Variants in ASCC3 observed in about 807,000 individuals in gnomAD.
ASCC3 encodes ASC-1 complex subunit P200.
ASCC3 carries 158 observed loss-of-function variants against 256.3 expected under a neutral mutation model. That is an observed-to-expected ratio of 0.62 (90% CI 0.54 to 0.70). ASCC3 has a LOEUF of 0.70. ASCC3 is among the 30% of genes least tolerant of loss of function. The pLI, the probability that ASCC3 is intolerant of heterozygous loss-of-function variation, is 0.00. For synonymous variants in ASCC3, 948 were observed against 883.4 expected (o/e 1.07, Z -1.30); for missense variants, 2,259 against 2,626.0 (o/e 0.86, Z 3.05).
intron 25 of ASCC3, among the ~76,000 whole-genome samples, chr6:100,632,487 G>A (rs1463269720): frequency 6.6e-6 from 1 of 151,978 alleles, no homozygotes; most frequent in Non-Finnish European, 1.5e-5. Context: ...AATTCACAAG[G>A]AAGCACAGAG....
At chr6:100,869,055 G>T (rs1773615133) in intron 1 of ASCC3, among the ~76,000 whole-genome samples, 1 of 152,156 alleles carries the variant, frequency 6.6e-6, no homozygotes, top group African/African-American at 2.4e-5. Flanking sequence ...TGTCACATAA[G>T]CTATGTAAGT....
At position 100,734,133 on chromosome 6, in the gene ASCC3, T is replaced by C. The variant is rs1780032487; in HGVS notation, c.1738-8430A>G. Among the ~76,000 whole-genome samples the C allele has an allele frequency of 2.0e-5, 3 of 152,134 alleles. No individual in the cohort carries two copies. In the South Asian group the frequency reaches 6.2e-4, roughly 31 times the overall value. On this transcript the variant is annotated intron_variant, in intron 10 of 41. Coordinates refer to ENST00000369162, the MANE Select transcript of ASCC3 (RefSeq NM_006828.4). ...TGGTAAGTGGGGGCAAGGAAGCTTTTGTAACCACCATTAAGTAAAGCAGAG... is the reference window on the plus strand; with the variant it reads ...TGGTAAGTGGGGGCAAGGAAGCTTTCGTAACCACCATTAAGTAAAGCAGAG...
At chr6:100,691,473 G>A (rs1348580943) in intron 13 of ASCC3, among the ~76,000 whole-genome samples, 1 of 151,610 alleles carries the variant, frequency 6.6e-6, no homozygotes, top group Non-Finnish European at 1.5e-5. Flanking sequence ...TTCTTAATAT[G>A]CATTCAATTA....
intron 23 of ASCC3, 60 bp downstream of exon 23, chr6:100,643,971 C>G: frequency 9.0e-7 from 1 of 1,111,144 alleles, no homozygotes; most frequent in Non-Finnish European, 1.3e-6. Context: ...AAAGCAGAAA[C>G]TGTTAGTATA....
At chr6:100,695,401 C>T (rs1778035854) in intron 13 of ASCC3, among the ~76,000 whole-genome samples, 2 of 151,886 alleles carry the variant, frequency 1.3e-5, no homozygotes, top group Admixed American at 1.3e-4. Context: ...TTTAGTAGAC[C>T]CTGTGTGTCC....
chr6:100,516,623 T>G (rs1020443287), intron 38 of ASCC3, among the ~76,000 whole-genome samples: 1 of 152,176 alleles, frequency 6.6e-6, no homozygotes. Context: ...AATGCTTCCA[T>G]GTAGATGAAG....
Position 100,646,628 on chromosome 6 carries a change from G to A in ASCC3, c.3620C>T (p.Thr1207Ile). The change falls in exon 22 of 42, where the codon ACT (threonine) becomes ATT (isoleucine). Residue 1207 changes from threonine to isoleucine, a missense_variant. By Grantham distance (89) the Thr-to-Ile change is moderately conservative. This residue lies in a region of ASCC3 where 1,839 missense variants were observed against 2,206.7 expected (regional missense o/e 0.83). Transcript: ENST00000369162. ...RVTLSIYADF[T>I]WNDQVHGTVG... Reference sequence around the variant, plus strand: ...TTCCACTTCTACCTGATCATTCCAAGTGAAATCAGCATAGATGCTGAGTGT... The same window carrying A: ...TTCCACTTCTACCTGATCATTCCAAATGAAATCAGCATAGATGCTGAGTGT... 6.2e-7 allele frequency: 1 copy of A among 1,614,030 alleles called. No homozygotes were observed. Among genetic ancestry groups the A allele is most frequent in the South Asian group, 1.1e-5 (1 of 91,072 alleles).
At chr6:100,751,128 A>G (rs1244022821) in intron 10 of ASCC3, among the ~76,000 whole-genome samples, 1 of 152,022 alleles carries the variant, frequency 6.6e-6, no homozygotes, top group Non-Finnish European at 1.5e-5. Flanking sequence ...GCATAAATCT[A>G]GATTTACTAT....
intron 10 of ASCC3, among the ~76,000 whole-genome samples, chr6:100,735,550 T>C (rs1780111955): frequency 6.6e-6 from 1 of 152,168 alleles, no homozygotes; most frequent in South Asian, 2.1e-4. Context: ...CTCCTTTTAA[T>C]AGAGATATTA....
chr6:100,802,984 A>G (rs1483512017), intron 5 of ASCC3, among the ~76,000 whole-genome samples: 1 of 152,058 alleles, frequency 6.6e-6, no homozygotes, highest in African/African-American at 2.4e-5. Context: ...CCCTAGCCTG[A>G]GCAAGAGTGT....
At chr6:100,528,515 T>C (rs895555861) in intron 37 of ASCC3, among the ~76,000 whole-genome samples, 4 of 152,188 alleles carry the variant, frequency 2.6e-5, no homozygotes, top group African/African-American at 7.2e-5. Context: ...GGAGTCTACA[T>C]AGTATCTCAC....
intron 14 of ASCC3, among the ~76,000 whole-genome samples, chr6:100,665,428 A>T (rs1166529050): frequency 6.6e-6 from 1 of 152,030 alleles, no homozygotes. Flanking sequence ...TCACAACAAA[A>T]ATGAACTGGA....
intron 10 of ASCC3, among the ~76,000 whole-genome samples, chr6:100,754,945 A>C (rs1781106218): frequency 6.6e-6 from 1 of 151,930 alleles, no homozygotes; most frequent in South Asian, 2.1e-4. Flanking sequence ...CTCCTCCTTC[A>C]TCTTCCATCG....
At chr6:100,750,003 C>T (rs965552196) in intron 10 of ASCC3, among the ~76,000 whole-genome samples, 1 of 151,840 alleles carries the variant, frequency 6.6e-6, no homozygotes, top group Admixed American at 6.6e-5. Flanking sequence ...CAGCTCAAAA[C>T]TTGTATTTTA....
intron 36 of ASCC3, among the ~76,000 whole-genome samples, chr6:100,545,855 A>G (rs570659343): frequency 6.6e-6 from 1 of 152,324 alleles, no homozygotes; most frequent in Admixed American, 6.5e-5. Context: ...CGCTGGGATT[A>G]CATATGTGAA....
At chr6:100,557,801 A>C (rs1769688245) in intron 36 of ASCC3, among the ~76,000 whole-genome samples, 1 of 152,158 alleles carries the variant, frequency 6.6e-6, no homozygotes, top group African/African-American at 2.4e-5. Context: ...CAACAAGGTG[A>C]CTATAGTCAA....
chr6:100,617,737 T>G (rs1038983401), intron 30 of ASCC3, among the ~76,000 whole-genome samples: 4 of 152,184 alleles, frequency 2.6e-5, no homozygotes, highest in African/African-American at 9.7e-5. Flanking sequence ...CACAGAACCC[T>G]CTCTTCTACA....
At chr6:100,655,417 A>T (rs1295196131) in intron 17 of ASCC3, among the ~76,000 whole-genome samples, 1 of 151,900 alleles carries the variant, frequency 6.6e-6, no homozygotes. Context: ...TCACAGTTTA[A>T]AAAATCACAC....
rs190046522 is a variant in ASCC3, at chr6:100,858,041, A to G, written c.241+6023T>C. On this transcript the variant is annotated intron_variant, in intron 3 of 41. Coordinates refer to ENST00000369162, the MANE Select transcript of ASCC3 (RefSeq NM_006828.4). The stretch of plus-strand genomic sequence containing the variant: ...TTTAGATCTTCTTTAAATTCTCTCA[A>G]TATTTTAGTTTTCCATGAAGTCTTG... 599 of 179,012 alleles carry G rather than the reference A, an allele frequency of 3.3e-3. 13 individuals carry two copies. Among genetic ancestry groups the G allele is most frequent in the Non-Finnish European group, 6.9e-4 (64 of 92,956 alleles). 11.1% of individuals were successfully genotyped at this position (179,012 alleles called of 1,614,324 possible). A position where few individuals can be genotyped will look rare whatever the true frequency, so the allele number is the denominator to read the frequency against.
Sources: allele counts gnomAD v4.1 joint callset (sites outside exome capture counted in the v4.1 genomes callset), GRCh38; gene constraint gnomAD v4.1.1; regional missense constraint gnomAD v4.1.1; transcripts MANE v1.5; gene names NCBI Gene and HGNC (gene_info 2026-07-23, HGNC 2026-07-21).